Variants in NAV2 observed in about 807,000 individuals in gnomAD.
The protein encoded by NAV2 is helicase, APC down-regulated 1.
NAV2 carries 54 observed loss-of-function variants against 223.2 expected under a neutral mutation model. The ratio of observed to expected loss-of-function variants is 0.24; its 90% CI spans 0.19 to 0.30. The LOEUF (loss-of-function observed/expected upper bound fraction) is 0.30. Among genes scored for constraint, NAV2 ranks in the 10% least tolerant of loss-of-function variants. The probability of loss-of-function intolerance (pLI) is 1.00; values close to 1 mark genes in which losing one functional copy is unlikely to be tolerated. For synonymous variants in NAV2, 1,279 were observed against 1,239.3 expected, an observed-to-expected ratio of 1.03 and a Z score of -0.67; for missense variants, 2,806 against 3,147.5, an observed-to-expected ratio of 0.89 and a Z score of 2.60.
chr11:19,421,697 A>G (rs944212436), intron 1 of NAV2, among the ~76,000 whole-genome samples: 8 of 152,020 alleles, frequency 5.3e-5, no homozygotes, highest in Non-Finnish European at 8.8e-5. Flanking sequence ...GGTGGGAGAA[A>G]CAACATAATG....
chr11:19,399,278 C>T (rs1849587809), intron 1 of NAV2, among the ~76,000 whole-genome samples: 3 of 152,194 alleles, frequency 2.0e-5, no homozygotes, highest in Admixed American at 2.0e-4. Context: ...CTCCCTGCCA[C>T]CTTCAGAAGT....
Position 19,602,067 on chromosome 11 carries a change from A to G in NAV2, c.76-230417A>G, listed in dbSNP as rs570735186. ...TTGGCCCAGCTTGGGCTAAGTGTTC[A>G]TCCCCAGTCCAATCAGCTTTGGCCA... On this transcript the variant is annotated intron_variant, in intron 1 of 37. Coordinates refer to the NAV2 transcript ENST00000360655. 3.4e-4 allele frequency among the ~76,000 whole-genome samples: 52 copies of G among 152,190 alleles called. 1 individual carries two copies. In the South Asian group the frequency reaches 7.7e-3, roughly 22 times the overall value.
intron 1 of NAV2, chr11:19,591,203 T>C (rs1358240834): frequency 6.6e-6 from 1 of 152,366 alleles, no homozygotes; most frequent in Admixed American, 6.5e-5. Context: ...TTGCTGTGAA[T>C]GGAAACATAG....
intron 1 of NAV2, among the ~76,000 whole-genome samples, chr11:19,794,909 C>T (rs1006970187): frequency 3.9e-5 from 6 of 152,088 alleles, no homozygotes; most frequent in Admixed American, 2.6e-4. Flanking sequence ...ATATATATCT[C>T]GAAAACTGCA....
intron 1 of NAV2, among the ~76,000 whole-genome samples, chr11:19,435,394 A>G (rs1447834755): frequency 1.3e-5 from 2 of 152,012 alleles, no homozygotes; most frequent in East Asian, 1.9e-4. Flanking sequence ...TGTTGTCACA[A>G]ATGGCAGATG....
chr11:20,109,385 G>C (rs1042475258), intron 36 of NAV2, among the ~76,000 whole-genome samples: 7 of 152,176 alleles, frequency 4.6e-5, no homozygotes, highest in African/African-American at 1.7e-4. Flanking sequence ...ATACAAGAAG[G>C]TATGAATGAT....
At chr11:19,687,424 A>G (rs2049053981) in intron 1 of NAV2, among the ~76,000 whole-genome samples, 1 of 152,260 alleles carries the variant, frequency 6.6e-6, no homozygotes, top group African/African-American at 2.4e-5. Context: ...AGCAAATATT[A>G]TACATGAATT....
intron 1 of NAV2, among the ~76,000 whole-genome samples, chr11:19,420,170 A>G (rs10833109): frequency 0.69 from 104,772 of 152,144 alleles, 36,171 homozygotes; most frequent in South Asian, 0.72. Context: ...CTCCCATGTC[A>G]CTGTCTTTAG....
intron 25 of NAV2, among the ~76,000 whole-genome samples, chr11:20,082,250 A>C (rs1476876399): frequency 1.3e-5 from 2 of 152,222 alleles, no homozygotes; most frequent in Non-Finnish European, 2.9e-5. Flanking sequence ...AACCTCCCCC[A>C]AAATTTAAAG....
chr11:19,547,214 G>C (rs540977403), intron 1 of NAV2, among the ~76,000 whole-genome samples: 1 of 152,198 alleles, frequency 6.6e-6, no homozygotes, highest in African/African-American at 2.4e-5. Context: ...GTTGTTCGTT[G>C]AAGTAGCCAG....
At chr11:19,364,165 C>T (rs1854125060) in intron 1 of NAV2, among the ~76,000 whole-genome samples, 1 of 152,182 alleles carries the variant, frequency 6.6e-6, no homozygotes, top group South Asian at 2.1e-4. Flanking sequence ...AAAGAGTCAC[C>T]TCCTTAACAT....
At chr11:19,396,563 G>A (rs934949628) in intron 1 of NAV2, among the ~76,000 whole-genome samples, 3 of 152,198 alleles carry the variant, frequency 2.0e-5, no homozygotes, top group Non-Finnish European at 1.5e-5. Context: ...TGCATCTCCA[G>A]AAGGAGCATG....
chr11:19,530,106 G>T lies in NAV2; in HGVS notation c.75+179079G>T, dbSNP rs1386804426. 2.0e-5 allele frequency among the ~76,000 whole-genome samples: 3 copies of T among 152,306 alleles called. No individual in the cohort carries two copies. The East Asian group carries it at 5.8e-4, about 29-fold the overall frequency. ...TGAGCAAGTCACCATTGTCACCACT[G>T]GAAGTGGTGAGGAAGATCACTTGCA... On this transcript the variant is annotated intron_variant, in intron 1 of 37. Transcript: ENST00000360655.
intron 1 of NAV2, among the ~76,000 whole-genome samples, chr11:19,572,679 A>T (rs913046241): frequency 6.6e-6 from 1 of 152,146 alleles, no homozygotes; most frequent in African/African-American, 2.4e-5. Flanking sequence ...TCTGAGTTTG[A>T]ACTCCAACTC....
intron 16 of NAV2, among the ~76,000 whole-genome samples, chr11:20,050,803 A>G (rs1465778629): frequency 6.6e-6 from 1 of 152,230 alleles, no homozygotes; most frequent in African/African-American, 2.4e-5. Context: ...CCAAATATGC[A>G]GACTGCTGGC....
chr11:19,840,448 C>T (rs954837216), intron 2 of NAV2, among the ~76,000 whole-genome samples: 1 of 152,154 alleles, frequency 6.6e-6, no homozygotes, highest in African/African-American at 2.4e-5. Flanking sequence ...CACAGTTATC[C>T]GTCTTTCACT....
intron 1 of NAV2, among the ~76,000 whole-genome samples, chr11:19,484,127 AACACAC>A (rs58138697): frequency 7.6e-5 from 11 of 144,788 alleles, no homozygotes; most frequent in East Asian, 4.1e-4. Flanking sequence ...ACTGATCACA[AACACAC>A]ACACACACAC....
chr11:19,433,027 A>G (rs1030710464), intron 1 of NAV2, among the ~76,000 whole-genome samples: 3 of 152,188 alleles, frequency 2.0e-5, no homozygotes, highest in African/African-American at 4.8e-5. Context: ...TTCACTGGAC[A>G]TTGACAAGCT....
intron 1 of NAV2, among the ~76,000 whole-genome samples, chr11:19,374,926 T>C (rs888311098): frequency 6.6e-6 from 1 of 152,208 alleles, no homozygotes; most frequent in Non-Finnish European, 1.5e-5. Flanking sequence ...CTCAGTCTTT[T>C]AGGTGCACAG....
Sources: gnomAD v4.1 joint callset for allele counts (sites outside exome capture counted in the v4.1 genomes callset) on GRCh38, gnomAD v4.1.1 for gene constraint, MANE v1.5 for transcripts, NCBI Gene and HGNC (gene_info 2026-07-23, HGNC 2026-07-21) for gene names.